The following FPR3 variants were observed in gnomAD, a reference collection of about 807,000 sequenced individuals.
FPR3 encodes formyl peptide receptor 3.
For missense variants in FPR3, 346 were observed against 443.2 expected, an observed-to-expected ratio of 0.78 and a Z score of 1.97; for synonymous variants, 135 against 163.6, an observed-to-expected ratio of 0.83 and a Z score of 1.34.
Position 51,807,134 on chromosome 19 carries a change from G to C in FPR3, c.-11+11803G>C, listed in dbSNP as rs549618525. 2.0e-5 allele frequency among the ~76,000 whole-genome samples: 3 copies of C among 152,288 alleles called. No individual in the cohort carries two copies. The South Asian group carries it at 6.2e-4, about 32-fold the overall frequency. ...GAGTATATTTGGAAGAAGCGGTCAGGGGGCAGCTTGCCTCTAGTGGACAAT... is the reference window on the plus strand; with the variant it reads ...GAGTATATTTGGAAGAAGCGGTCAGCGGGCAGCTTGCCTCTAGTGGACAAT... On this transcript the variant is annotated intron_variant, in intron 1 of 1. Coordinates refer to ENST00000339223, the MANE Select transcript of FPR3 (RefSeq NM_002030.5).
intron 1 of FPR3, among the ~76,000 whole-genome samples, chr19:51,814,367 G>A (rs538546906): frequency 8.5e-5 from 13 of 152,324 alleles, no homozygotes; most frequent in South Asian, 2.1e-4. Flanking sequence ...TTAGAGCTGC[G>A]TTGCAGGTCC....
intron 1 of FPR3, among the ~76,000 whole-genome samples, chr19:51,822,057 A>T (rs983567929): frequency 6.6e-6 from 1 of 152,212 alleles, no homozygotes; most frequent in African/African-American, 2.4e-5. Context: ...CAGCCCACAG[A>T]CCACAGTATA....
chr19:51,809,382 G>A (rs28853598), intron 1 of FPR3, among the ~76,000 whole-genome samples: 19,001 of 152,168 alleles, frequency 0.12, 1,298 homozygotes, highest in East Asian at 0.21. Flanking sequence ...ATCAGCTCCC[G>A]TATCCATAAG....
At chr19:51,799,054 C>T (rs2084015102) in intron 1 of FPR3, among the ~76,000 whole-genome samples, 1 of 152,022 alleles carries the variant, frequency 6.6e-6, no homozygotes, top group Non-Finnish European at 1.5e-5. Context: ...TTGCAGTGAG[C>T]CGAGATCACA....
chr19:51,811,023 T>A (rs2084093037), intron 1 of FPR3, among the ~76,000 whole-genome samples: 1 of 152,184 alleles, frequency 6.6e-6, no homozygotes, highest in Non-Finnish European at 1.5e-5. Flanking sequence ...ATTTTTATCC[T>A]CCCTCTCCTG....
At chr19:51,807,485 A>G (rs890682474) in intron 1 of FPR3, among the ~76,000 whole-genome samples, 8 of 152,164 alleles carry the variant, frequency 5.3e-5, no homozygotes, top group African/African-American at 1.9e-4. Flanking sequence ...GGGTCCCTGC[A>G]GTTGATAGGA....
At chr19:51,796,959 C>T (rs1330252962) in intron 1 of FPR3, among the ~76,000 whole-genome samples, 1 of 152,170 alleles carries the variant, frequency 6.6e-6, no homozygotes, top group African/African-American at 2.4e-5. Context: ...GATACCCCAA[C>T]ATTTAGAGTC....
rs927301069 is a variant in FPR3 at position 51,824,722 on chromosome 19, T to C, written c.974T>C (p.Leu325Pro). 1 of 1,614,096 alleles carries C rather than the reference T, an allele frequency of 6.2e-7. No individual in the cohort carries two copies. The highest frequency in any genetic ancestry group is 1.3e-5 in the African/African-American group (1 of 75,022). Residue 325 changes from leucine to proline, a missense_variant, in exon 2 of 2, where the codon CTG (leucine) becomes CCG (proline). Coordinates refer to ENST00000339223, the MANE Select transcript of FPR3 (RefSeq NM_002030.5). The surrounding 1 kb of genome is among the most constrained non-coding windows in gnomAD (Gnocchi z 4.7). ...TTGCCCACTAGTTTGGAGAGGGCCC[T>C]GACTGAGGTCCCTGACTCAGCCCAG... The part of the protein sequence containing the change: ...RSLPTSLERA[L>P]TEVPDSAQTS...
chr19:51,795,704 G>A (rs923215750), intron 1 of FPR3, among the ~76,000 whole-genome samples: 6 of 151,478 alleles, frequency 4.0e-5, no homozygotes, highest in South Asian at 2.1e-4. Context: ...TAGTAGAGAC[G>A]GGGTTTCAAT....
intron 1 of FPR3, among the ~76,000 whole-genome samples, chr19:51,800,115 ACT>A (rs1319508228): frequency 6.6e-6 from 1 of 152,122 alleles, no homozygotes; most frequent in East Asian, 1.9e-4. Context: ...CAGTCGCCTA[ACT>A]CTAACCTGTG....
Position 51,824,091 on chromosome 19 carries a change from C to G in FPR3, c.343C>G (p.Leu115Val). The G allele has an allele frequency of 1.2e-6, 2 of 1,614,066 alleles. No individual in the cohort carries two copies. The highest frequency in any genetic ancestry group is 8.5e-7 in the Non-Finnish European group (1 of 1,179,978). The change falls in exon 2 of 2, where the codon CTG becomes GTG. Residue 115 changes from leucine (L) to valine (V), a missense_variant. Physicochemically the swap from Leu to Val is conservative, Grantham distance 32. Coordinates refer to ENST00000339223, the MANE Select transcript of FPR3 (RefSeq NM_002030.5). The surrounding 1 kb of genome is among the most constrained non-coding windows in gnomAD (Gnocchi z 4.7). ...IDINLFVSVY[L>V]ITIIALDRCI... ...CATCAACCTGTTTGTCAGTGTCTACCTGATCACCATCATTGCTCTGGACCG... is the reference window on the plus strand; with the variant it reads ...CATCAACCTGTTTGTCAGTGTCTACGTGATCACCATCATTGCTCTGGACCG...
intron 1 of FPR3, among the ~76,000 whole-genome samples, chr19:51,798,729 TCA>T (rs917461524): frequency 5.9e-5 from 9 of 152,200 alleles, no homozygotes; most frequent in African/African-American, 2.2e-4. Context: ...GATGGCTGCC[TCA>T]CAGTGTTATT....
chr19:51,808,502 T>TA (rs1375966262), intron 1 of FPR3, among the ~76,000 whole-genome samples: 24 of 152,358 alleles, frequency 1.6e-4, no homozygotes, highest in Non-Finnish European at 2.8e-4. Context: ...GAGGCTTCTT[T>TA]AATGCCTGTC....
At position 51,796,286 on chromosome 19, in the gene FPR3, T is replaced by A. The variant is rs116813283; in HGVS notation, c.-11+955T>A. On this transcript the variant is annotated intron_variant, in intron 1 of 1. Coordinates refer to ENST00000339223, the MANE Select transcript of FPR3 (RefSeq NM_002030.5). ...GCAAGTTCAAGGAATTAGAGCCCAG[T>A]GGGTGGAGCCCAGTGTGTCTGATGA... Among the ~76,000 whole-genome samples the A allele has an allele frequency of 7.1e-3, 1,080 of 152,180 alleles. 11 individuals are homozygous for A. The highest frequency in any genetic ancestry group is 0.025 in the African/African-American group (1,027 of 41,496).
chr19:51,802,570 TGGGGTAA>T (rs761713108), intron 1 of FPR3, among the ~76,000 whole-genome samples: 4 of 152,142 alleles, frequency 2.6e-5, no homozygotes, highest in Non-Finnish European at 5.9e-5. Context: ...GCCTGTACCC[TGGGGTAA>T]GTGGAAGTGG....
chr19:51,816,842 C>T (rs1384829364), intron 1 of FPR3, among the ~76,000 whole-genome samples: 1 of 152,170 alleles, frequency 6.6e-6, no homozygotes, highest in African/African-American at 2.4e-5. Context: ...GAATTGGAGA[C>T]TTGCTCTGTT....
intron 1 of FPR3, among the ~76,000 whole-genome samples, chr19:51,798,329 G>A (rs1000567317): frequency 1.3e-5 from 2 of 152,098 alleles, no homozygotes; most frequent in African/African-American, 4.8e-5. Flanking sequence ...GGCCAGGGGT[G>A]CCGCTAAACA....
At chr19:51,798,983 G>C (rs2084014828) in intron 1 of FPR3, among the ~76,000 whole-genome samples, 1 of 152,150 alleles carries the variant, frequency 6.6e-6, no homozygotes, top group East Asian at 1.9e-4. Flanking sequence ...GGGCGTGGTG[G>C]TGGTGCCCAG....
chr19:51,805,197 G>GT, intron 1 of FPR3: 1 of 152,332 alleles, frequency 6.6e-6, no homozygotes, highest in East Asian at 1.9e-4. Flanking sequence ...TTGAAAGAAT[G>GT]TAAGACCAGG....
Sources: allele counts gnomAD v4.1 joint callset (sites outside exome capture counted in the v4.1 genomes callset), GRCh38; gene constraint gnomAD v4.1.1; non-coding constraint Gnocchi (gnomAD v3.1); transcripts MANE v1.5; gene names NCBI Gene and HGNC (gene_info 2026-07-23, HGNC 2026-07-21).